The following XAF1 variants were observed in gnomAD, a reference collection of about 807,000 sequenced individuals.
XAF1 encodes the protein XIAP-associated factor 1.
Under a neutral mutation model 32.3 loss-of-function variants are expected in XAF1, and 32 were observed. The observed-to-expected ratio is 0.99, with a 90% CI of 0.75 to 1.33. XAF1 has a LOEUF of 1.33. Among genes scored for constraint, XAF1 ranks in the 40% most tolerant of loss-of-function variants. XAF1 has a pLI of 0.00. For missense variants in XAF1, 379 were observed against 366.0 expected (o/e 1.04, Z -0.29); for synonymous variants, 120 against 125.9 (o/e 0.95, Z 0.31).
chr17:6,755,645 C>T (rs1974604211), upstream of XAF1: 1 of 1,031,318 alleles, frequency 9.7e-7, no homozygotes, highest in South Asian at 3.7e-5. Flanking sequence ...CATTCAAGCT[C>T]AACATGGCAA....
chr17:6,772,216 A>G (rs1343938437), intron 6 of XAF1, among the ~76,000 whole-genome samples: 3 of 152,154 alleles, frequency 2.0e-5, no homozygotes, highest in Non-Finnish European at 4.4e-5. Context: ...CTTATATAAC[A>G]GAGTCGCCAG....
At chr17:6,759,168 G>A (rs1974973761) in intron 2 of XAF1, 3 of 1,017,388 alleles carry the variant, frequency 2.9e-6, no homozygotes, top group South Asian at 3.9e-5. Context: ...TCCACACAAA[G>A]CCCATGGAAA....
At chr17:6,761,164 A>AG (rs376886096) in intron 4 of XAF1, among the ~76,000 whole-genome samples, 3 of 141,448 alleles carry the variant, frequency 2.1e-5, no homozygotes, top group Non-Finnish European at 4.7e-5. Context: ...CAAAAAAAAA[A>AG]GGGGGGGACC....
In XAF1 at chr17:6,758,075, C is replaced by A. The variant is rs777226153; in HGVS notation, c.33-14C>A. 6.2e-7 allele frequency: 1 copy of A among 1,614,216 alleles called. No homozygotes were observed. ...ATAAGTCTATTTTTCTATCCCCACACCTTGACCCTGTAGTAAAAGACATGT... is the reference window on the plus strand; with the variant it reads ...ATAAGTCTATTTTTCTATCCCCACAACTTGACCCTGTAGTAAAAGACATGT... On this transcript the variant is annotated splice_polypyrimidine_tract_variant and intron_variant, in intron 1 of 6. Transcript: ENST00000361842.
At chr17:6,759,363 C>T (rs967827097) in intron 2 of XAF1, 1 of 1,345,122 alleles carries the variant, frequency 7.4e-7, no homozygotes, top group Admixed American at 3.3e-5. Context: ...GGAAGGCAGT[C>T]AGATGGAGCC....
chr17:6,762,132 G>C, intron 4 of XAF1, 23 bp from the exon 5 acceptor site: 1 of 1,612,272 alleles, frequency 6.2e-7, no homozygotes, highest in Non-Finnish European at 8.5e-7. Flanking sequence ...ATCATTTGTG[G>C]TGTTGTTTCT....
Position 6,758,583 on chromosome 17 carries a change from A to G in XAF1, c.168+359A>G, listed in dbSNP as rs183667010. On this transcript the variant is annotated intron_variant, in intron 2 of 6. Coordinates refer to ENST00000361842, the MANE Select transcript of XAF1 (RefSeq NM_017523.5). ...GTGTTCAGTCCTCTCTGCAGGTGAGATGGGGTCTGGGAGTCAAGGCGAGTG... is the reference window on the plus strand; with the variant it reads ...GTGTTCAGTCCTCTCTGCAGGTGAGGTGGGGTCTGGGAGTCAAGGCGAGTG... 444 of 360,336 alleles carry G rather than the reference A, an allele frequency of 1.2e-3. 2 individuals carry two copies. The highest frequency in any genetic ancestry group is 1.9e-3 in the Non-Finnish European group (358 of 186,328). The allele number at this position is 360,336 out of a possible 1,614,324, so 22.3% of individuals were successfully genotyped here. A position where few individuals can be genotyped will look rare whatever the true frequency, so the allele number is the denominator to read the frequency against.
chr17:6,758,231 A>G lies in XAF1; in HGVS notation c.168+7A>G, dbSNP rs1483169500. On this transcript the variant is annotated splice_region_variant and intron_variant, in intron 2 of 6. Transcript: ENST00000361842. ...CAAGCTTGAGCACCAGCAGGTGAGG[A>G]GGCGGCAGGGAGGATGGGGTCTGAG... 15 of 1,613,908 alleles carry G rather than the reference A, an allele frequency of 9.3e-6. No individual in the cohort carries two copies. The South Asian group carries it at 1.3e-4, about 14-fold the overall frequency.
rs139970997 is a variant in XAF1, at chr17:6,760,953, G to A, written c.421+352G>A. On this transcript the variant is annotated intron_variant, in intron 4 of 6. Transcript: ENST00000361842. ...GCAGATCACCTGAGGTTGGGAGTTCGAGACCACCTTGACCAACATGGAGAA... is the reference window on the plus strand; with the variant it reads ...GCAGATCACCTGAGGTTGGGAGTTCAAGACCACCTTGACCAACATGGAGAA... 7.9e-3 allele frequency among the ~76,000 whole-genome samples: 1,208 copies of A among 152,274 alleles called. 21 individuals are homozygous for A. The highest frequency in any genetic ancestry group is 0.027 in the African/African-American group (1,109 of 41,556).
At chr17:6,757,730 A>G (rs1001746098) in intron 1 of XAF1, among the ~76,000 whole-genome samples, 3 of 152,188 alleles carry the variant, frequency 2.0e-5, no homozygotes, top group African/African-American at 7.2e-5. Flanking sequence ...GTAGCAATTG[A>G]TAAGTTTTGG....
At chr17:6,759,326 A>G in intron 2 of XAF1, 1 of 1,289,616 alleles carries the variant, frequency 7.8e-7, no homozygotes, top group South Asian at 2.5e-5. Context: ...AGATCTGTAA[A>G]GAGAGGATGT....
intron 1 of XAF1, among the ~76,000 whole-genome samples, chr17:6,756,448 A>C (rs1195653887): frequency 6.6e-6 from 1 of 151,428 alleles, no homozygotes; most frequent in Non-Finnish European, 1.5e-5. Context: ...TGATACTATG[A>C]CCTTCACACC....
chr17:6,760,926 G>A (rs763891780), intron 4 of XAF1, among the ~76,000 whole-genome samples: 12 of 152,186 alleles, frequency 7.9e-5, no homozygotes, highest in Admixed American at 3.3e-4. Flanking sequence ...AGGCTGAGGC[G>A]GGCAGATCAC....
At position 6,770,774 on chromosome 17, in the gene XAF1, GAC is replaced by G; in HGVS notation, c.641_642del (p.Thr214LysfsTer11). On this transcript the variant is annotated frameshift_variant, in exon 6 of 7. Coordinates refer to ENST00000361842, the MANE Select transcript of XAF1 (RefSeq NM_017523.5). LOFTEE classifies it high-confidence loss of function. ...STMEKDVRPK[T>X]RSINRFPLHS... Reference sequence around the variant, plus strand: ...CGATGGAGAAAGATGTTCGTCCAAAGACAAGAAGTATAAACAGATTTCCTCTT... The same window carrying G: ...CGATGGAGAAAGATGTTCGTCCAAAGAAGAAGTATAAACAGATTTCCTCTT... 1 of 1,614,030 alleles carries G rather than the reference GAC, an allele frequency of 6.2e-7. No homozygotes were observed. Among genetic ancestry groups the G allele is most frequent in the East Asian group, 2.2e-5 (1 of 44,880 alleles).
chr17:6,770,853 G>A lies in XAF1; in HGVS notation c.718G>A (p.Asp240Asn), dbSNP rs747947992. The A allele has an allele frequency of 1.9e-6, 3 of 1,613,876 alleles. No individual in the cohort carries two copies. Among genetic ancestry groups the A allele is most frequent in the South Asian group, 2.2e-5 (2 of 91,016 alleles). ...ACCAAGAAGCAAAAACAAAACCTTG[G>A]ATCCACTTTTGATGTCAGAGCCCAA... ...KAPRSKNKTL[D>N]PLLMSEPKPR... The change falls in exon 6 of 7, where the codon GAT (aspartate) becomes AAT (asparagine). Residue 240 changes from aspartate to asparagine, a missense_variant. Transcript: ENST00000361842.
rs117407731 is a variant in XAF1 at position 6,761,973 on chromosome 17, G to A, written c.422-182G>A. 2.1e-4 allele frequency: 316 copies of A among 1,530,942 alleles called. 2 individuals carry two copies. The East Asian group carries it at 7.5e-3, about 36-fold the overall frequency. 94.8% of individuals were successfully genotyped at this position (1,530,942 alleles called of 1,614,324 possible). A position where few individuals can be genotyped will look rare whatever the true frequency, so the allele number is the denominator to read the frequency against. On this transcript the variant is annotated intron_variant, in intron 4 of 6. Transcript: ENST00000361842. ...CTGTGGCCATAAAGGAAATGATGTG[G>A]GTGATTCGGCCAAGAGTTGCCTGTG...
rs1976365309 is a variant in XAF1 at position 6,775,621 on chromosome 17, C to T, written c.*2452C>T. ...ACACCCACAGAACCCGGCTTTGTCC[C>T]CAAAGAATAAAAACACCTCTCTAAA... On this transcript the variant is annotated 3_prime_UTR_variant, in exon 7 of 7. Transcript: ENST00000361842. The T allele has an allele frequency of 6.6e-6, 1 of 152,204 alleles. No homozygotes were observed. The highest frequency in any genetic ancestry group is 2.1e-4 in the South Asian group (1 of 4,836). The allele number at this position is 152,204 out of a possible 1,614,324, so 9.4% of individuals were successfully genotyped here.
At chr17:6,771,037 C>A in intron 6 of XAF1, 53 bp downstream of exon 6, 1 of 1,563,588 alleles carries the variant, frequency 6.4e-7, no homozygotes, top group South Asian at 1.2e-5. Flanking sequence ...CGCACAGTGT[C>A]TTAAAAAAAT....
At chr17:6,762,942 G>C (rs962966425) in intron 5 of XAF1, among the ~76,000 whole-genome samples, 4 of 152,212 alleles carry the variant, frequency 2.6e-5, no homozygotes, top group African/African-American at 9.6e-5. Flanking sequence ...AGAAACCATA[G>C]AGACGATCCA....
Sources: allele counts gnomAD v4.1 joint callset (sites outside exome capture counted in the v4.1 genomes callset), GRCh38; gene constraint gnomAD v4.1.1; transcripts MANE v1.5; gene names NCBI Gene and HGNC (gene_info 2026-07-23, HGNC 2026-07-21).